TLR6: variants seen among roughly 807,000 people sequenced by gnomAD.
TLR6 encodes toll-like receptor 6.
Under a neutral mutation model 16.1 loss-of-function variants are expected in TLR6, and 9 were observed. The observed-to-expected ratio is 0.56, with a 90% CI of 0.34 to 0.98. TLR6 has a LOEUF of 0.98. Among genes scored for constraint, TLR6 ranks in the 50% least tolerant of loss-of-function variants. The probability of loss-of-function intolerance (pLI) is 0.02; values close to 1 mark genes in which losing one functional copy is unlikely to be tolerated. For synonymous variants in TLR6, 340 were observed against 338.6 expected (o/e 1.00, Z -0.04); for missense variants, 786 against 921.0 (o/e 0.85, Z 1.90).
At chr4:38,848,112 A>T (rs1712612052) in intron 1 of TLR6, among the ~76,000 whole-genome samples, 1 of 144,366 alleles carries the variant, frequency 6.9e-6, no homozygotes, top group African/African-American at 2.4e-5. Context: ...AGGCAGCAAC[A>T]TTTGCTGTTC....
At chr4:38,846,344 C>G (rs895613713) in intron 1 of TLR6, among the ~76,000 whole-genome samples, 2 of 152,072 alleles carry the variant, frequency 1.3e-5, no homozygotes, top group Admixed American at 1.3e-4. Flanking sequence ...TAATAGATAT[C>G]TTCAGAAAGA....
chr4:38,851,518 T>C lies in TLR6; in HGVS notation c.-65+5243A>G, dbSNP rs367935597. The stretch of plus-strand genomic sequence containing the variant: ...GTCTCAGCCCAAAATCTCCTTAAGC[T>C]GATAAGCAACTTCAGCAAAGTCTCA... On this transcript the variant is annotated intron_variant, in intron 1 of 1. Coordinates refer to ENST00000436693, the Ensembl canonical transcript of TLR6. Among the ~76,000 whole-genome samples, 35 of 152,348 alleles carry C rather than the reference T, an allele frequency of 2.3e-4. No homozygotes were observed. In the South Asian group the frequency reaches 7.0e-3, roughly 31 times the overall value.
At chr4:38,858,813 G>C (rs1349479400), upstream of TLR6, among the ~76,000 whole-genome samples, 1 of 104,346 alleles carries the variant, frequency 9.6e-6, no homozygotes, top group Admixed American at 9.9e-5. Context: ...GAGAGAGAGA[G>C]GGAGAGAGAG....
At chr4:38,849,606 A>G (rs1712684324) in intron 1 of TLR6, among the ~76,000 whole-genome samples, 1 of 152,196 alleles carries the variant, frequency 6.6e-6, no homozygotes, top group Non-Finnish European at 1.5e-5. Flanking sequence ...ATGGAAAACA[A>G]AAAAAGGCAG....
At chr4:38,829,048 A>G (rs1272121657) in exon 2 of TLR6, 2 of 1,614,078 alleles carry the variant, frequency 1.2e-6, no homozygotes, top group African/African-American at 2.7e-5. Context: ...ATAAGTTGCC[A>G]AATTCCTTAC....
At chr4:38,842,984 T>C (rs1579253587) in intron 1 of TLR6, among the ~76,000 whole-genome samples, 1 of 152,240 alleles carries the variant, frequency 6.6e-6, no homozygotes, top group East Asian at 1.9e-4. Context: ...ATTCAGCACA[T>C]GATAATCTGA....
rs537537600 is a variant in TLR6, at chr4:38,831,630, C to A, written c.-64-2093G>T. ...ACCCATATATGATAGGGACTTGTAT[C>A]CAAACTATGCAAAGAACTCTTAAGC... On this transcript the variant is annotated intron_variant, in intron 1 of 1. Coordinates refer to ENST00000436693, the Ensembl canonical transcript of TLR6. Among the ~76,000 whole-genome samples, 6 of 152,230 alleles carry A rather than the reference C, an allele frequency of 3.9e-5. No homozygotes were observed. In the South Asian group the frequency reaches 1.2e-3, roughly 32 times the overall value.
intron 1 of TLR6, among the ~76,000 whole-genome samples, chr4:38,832,851 T>C (rs1711684781): frequency 6.6e-6 from 1 of 152,152 alleles, no homozygotes; most frequent in Non-Finnish European, 1.5e-5. Flanking sequence ...GGAGTCAAAG[T>C]GTGCATTCCC....
At chr4:38,866,899 GGAGT>G in the TLR6 span, among the ~76,000 whole-genome samples, 5 of 152,166 alleles carry the variant, frequency 3.3e-5, no homozygotes, top group Admixed American at 3.3e-4. Flanking sequence ...AAGAAGGGAT[GGAGT>G]GAGAGAGGAG....
chr4:38,858,727 AAAAG>A (rs1230296257), upstream of TLR6, among the ~76,000 whole-genome samples: 8 of 138,044 alleles, frequency 5.8e-5, no homozygotes, highest in South Asian at 2.3e-4. Flanking sequence ...CTCAAAAGAA[AAAAG>A]AAAGAAAGAA....
At chr4:38,849,774 A>G (rs1323870641) in intron 1 of TLR6, among the ~76,000 whole-genome samples, 1 of 152,224 alleles carries the variant, frequency 6.6e-6, no homozygotes, top group Admixed American at 6.5e-5. Flanking sequence ...TTAGACTCCC[A>G]CACAATAATA....
upstream of TLR6, among the ~76,000 whole-genome samples, chr4:38,858,832 G>A (rs12643963): frequency 5.8e-3 from 293 of 50,704 alleles, no homozygotes; most frequent in South Asian, 0.015. Context: ...AGAGAGAGAG[G>A]AAGAAAGAAA....
At chr4:38,835,971 A>C (rs909795333) in intron 1 of TLR6, among the ~76,000 whole-genome samples, 1 of 152,182 alleles carries the variant, frequency 6.6e-6, no homozygotes, top group Admixed American at 6.5e-5. Context: ...CACAGCAAAA[A>C]CAATGCTAAG....
At chr4:38,841,966 A>G (rs773443214) in intron 1 of TLR6, among the ~76,000 whole-genome samples, 6 of 152,258 alleles carry the variant, frequency 3.9e-5, no homozygotes, top group South Asian at 2.1e-4. Context: ...TCAAAAATGT[A>G]AATGAATGTC....
At chr4:38,842,454 G>C (rs1421905003) in intron 1 of TLR6, among the ~76,000 whole-genome samples, 4 of 152,208 alleles carry the variant, frequency 2.6e-5, no homozygotes, top group Non-Finnish European at 5.9e-5. Flanking sequence ...CTTGCTGGGG[G>C]CTGGTAGCAG....
At chr4:38,846,568 T>C (rs985810222) in intron 1 of TLR6, among the ~76,000 whole-genome samples, 6 of 152,188 alleles carry the variant, frequency 3.9e-5, no homozygotes, top group African/African-American at 1.4e-4. Flanking sequence ...GACAGATCCA[T>C]ATCTGAATTC....
intron 1 of TLR6, among the ~76,000 whole-genome samples, chr4:38,845,906 A>G (rs1208357265): frequency 2.0e-5 from 3 of 152,052 alleles, no homozygotes; most frequent in Admixed American, 2.0e-4. Context: ...AGCCTGGCCA[A>G]CATGGTGAAA....
intron 1 of TLR6, among the ~76,000 whole-genome samples, chr4:38,856,245 G>GAT (rs1712982319): frequency 6.6e-6 from 1 of 152,140 alleles, no homozygotes. Flanking sequence ...AGGCACCAGG[G>GAT]ATATAAATAT....
chr4:38,849,494 A>C (rs1712679639), intron 1 of TLR6, among the ~76,000 whole-genome samples: 2 of 152,224 alleles, frequency 1.3e-5, no homozygotes, highest in Admixed American at 1.3e-4. Context: ...AATTGGATAA[A>C]GAGTCAAGAC....
Sources: gnomAD v4.1 joint callset for allele counts (sites outside exome capture counted in the v4.1 genomes callset) on GRCh38, gnomAD v4.1.1 for gene constraint, MANE v1.5 for transcripts, NCBI Gene and HGNC (gene_info 2026-07-23, HGNC 2026-07-21) for gene names.